Variants in CYTH4 observed in about 807,000 individuals in gnomAD.
CYTH4 encodes the protein cytohesin-4.
Under a neutral mutation model 57.5 loss-of-function variants are expected in CYTH4, and 22 were observed. The ratio of observed to expected loss-of-function variants is 0.38; its 90% confidence interval spans 0.27 to 0.55. The LOEUF (loss-of-function observed/expected upper bound fraction) is 0.55. Among genes scored for constraint, CYTH4 ranks in the 20% least tolerant of loss-of-function variants. CYTH4 has a pLI of 0.74. For missense variants in CYTH4, 420 were observed against 535.6 expected (o/e 0.78, Z 2.13); for synonymous variants, 186 against 206.5 (o/e 0.90, Z 0.85).
chr22:37,283,951 G>T (rs1220440471), intron 1 of CYTH4, among the ~76,000 whole-genome samples: 1 of 152,018 alleles, frequency 6.6e-6, no homozygotes, highest in African/African-American at 2.4e-5. Context: ...TGTCCTTTCG[G>T]GTCCTAACAT....
chr22:37,287,571 G>T (rs566607041), intron 1 of CYTH4, among the ~76,000 whole-genome samples: 2 of 151,444 alleles, frequency 1.3e-5, no homozygotes, highest in Non-Finnish European at 2.9e-5. Context: ...AGCTCCTGCC[G>T]GAAGAGTTCC....
At chr22:37,287,131 C>T (rs900391206) in intron 1 of CYTH4, among the ~76,000 whole-genome samples, 3 of 151,996 alleles carry the variant, frequency 2.0e-5, no homozygotes, top group African/African-American at 2.4e-5. Flanking sequence ...ATGACAAGAG[C>T]GGTGGTGACC....
In CYTH4 at chr22:37,303,375, T is replaced by G; in HGVS notation, c.669T>G (p.Gly223=). The G allele has an allele frequency of 6.2e-7, 1 of 1,613,952 alleles. No homozygotes were observed. The highest frequency in any genetic ancestry group is 8.5e-7 in the Non-Finnish European group (1 of 1,179,952). Residue 223 remains glycine (G), a synonymous_variant, in exon 8 of 13, where the codon GGT becomes GGG. Coordinates refer to ENST00000248901, the MANE Select transcript of CYTH4 (RefSeq NM_013385.5). ...FVSMNRGINN[G]SDLPEDQLRN... ...CCATGAACCGCGGCATCAACAATGG[T>G]AGCGACCTGCCCGAGGACCAGCTGC...
chr22:37,309,492 G>A (rs550914778), intron 9 of CYTH4, among the ~76,000 whole-genome samples, 169 bp downstream of exon 9: 8 of 152,152 alleles, frequency 5.3e-5, no homozygotes, highest in African/African-American at 1.9e-4. Context: ...CAGTGCAGCC[G>A]TCTGCCTGCC....
chr22:37,283,442 G>A (rs1023433146), intron 1 of CYTH4, among the ~76,000 whole-genome samples: 4 of 152,134 alleles, frequency 2.6e-5, no homozygotes, highest in Non-Finnish European at 5.9e-5. Context: ...AGAACCTAAG[G>A]GCTCGTGGGA....
intron 1 of CYTH4, among the ~76,000 whole-genome samples, chr22:37,288,758 C>T (rs1421946903): frequency 6.6e-6 from 1 of 152,206 alleles, no homozygotes; most frequent in Non-Finnish European, 1.5e-5. Flanking sequence ...GCGCCCCATC[C>T]AAGTGGATAT....
chr22:37,312,113 G>T lies in CYTH4; in HGVS notation c.1051G>T (p.Glu351Ter), dbSNP rs749693397. The change falls in exon 12 of 13, where the codon GAA becomes TAA. Residue 351 changes from glutamate (E) to a stop codon, truncating the protein, a stop_gained. Transcript: ENST00000248901. LOFTEE classifies it high-confidence loss of function. ...CGGCAGGGTGGTGGAGGGCAAGCAC[G>T]AATCGTACCGCATCTCAGCCACCAG... ...GDGRVVEGKHESYRISATSAE... is the reference protein window; with the variant it reads ...GDGRVVEGKH The T allele has an allele frequency of 6.2e-7, 1 of 1,614,236 alleles. No homozygotes were observed. Among genetic ancestry groups the T allele is most frequent in the East Asian group, 2.2e-5 (1 of 44,886 alleles).
chr22:37,311,545 A>C lies in CYTH4; in HGVS notation c.957+18A>C. ...AGAAGCCAGTAGGTGTTCAGGTTGC[A>C]GGATCCCGAGGCTGGAGCCACTGGG... is the stretch of plus-strand genomic sequence containing the variant. On this transcript the variant is annotated intron_variant, in intron 11 of 12. Coordinates refer to ENST00000248901, the MANE Select transcript of CYTH4 (RefSeq NM_013385.5). This position sits in a 1 kb window ranked among gnomAD's most constrained non-coding sequence, Gnocchi z 4.4. 1.2e-6 allele frequency: 2 copies of C among 1,612,668 alleles called. No homozygotes were observed. Among genetic ancestry groups the C allele is most frequent in the Non-Finnish European group, 1.7e-6 (2 of 1,179,050 alleles).
chr22:37,311,817 C>T lies in CYTH4; in HGVS notation c.958-203C>T, dbSNP rs1929653559. ...AGAACCTCAGTGAGCCCACATGTCA[C>T]GTGGGGACTTTAGGGAGGATGGTGG... On this transcript the variant is annotated intron_variant, in intron 11 of 12. Coordinates refer to ENST00000248901, the MANE Select transcript of CYTH4 (RefSeq NM_013385.5). The surrounding 1 kb of genome is among the most constrained non-coding windows in gnomAD (Gnocchi z 4.4). The T allele has an allele frequency of 6.9e-6, 5 of 719,584 alleles. No homozygotes were observed. Among genetic ancestry groups the T allele is most frequent in the South Asian group, 5.7e-5 (3 of 52,418 alleles). 44.6% of individuals were successfully genotyped at this position (719,584 alleles called of 1,614,324 possible).
intron 9 of CYTH4, 88 bp downstream of exon 9, chr22:37,309,411 GC>G: frequency 3.4e-6 from 4 of 1,177,158 alleles, no homozygotes; most frequent in Non-Finnish European, 3.7e-6. Flanking sequence ...GGACGCACAG[GC>G]CCCCAGCTGA....
In CYTH4 at chr22:37,284,887, G is replaced by A. The variant is rs551219943; in HGVS notation, c.19+2299G>A. Among the ~76,000 whole-genome samples, 20 of 152,262 alleles carry A rather than the reference G, an allele frequency of 1.3e-4. No individual in the cohort carries two copies. The East Asian group carries it at 3.9e-3, about 29-fold the overall frequency. On this transcript the variant is annotated intron_variant, in intron 1 of 12. Coordinates refer to ENST00000248901, the MANE Select transcript of CYTH4 (RefSeq NM_013385.5). Reference sequence around the variant, plus strand: ...CCCAGTGTGGCCAAAGACAAGCACTGTGCTGGTGCAGAGAAGACAGGCAGC... The same window carrying A: ...CCCAGTGTGGCCAAAGACAAGCACTATGCTGGTGCAGAGAAGACAGGCAGC...
At chr22:37,289,319 C>A (rs1460082550) in intron 1 of CYTH4, among the ~76,000 whole-genome samples, 1 of 152,240 alleles carries the variant, frequency 6.6e-6, no homozygotes, top group African/African-American at 2.4e-5. Flanking sequence ...CAAGAAGTCA[C>A]TTCTCTTTCC....
At chr22:37,299,877 G>C (rs971681416) in intron 6 of CYTH4, among the ~76,000 whole-genome samples, 1 of 152,156 alleles carries the variant, frequency 6.6e-6, no homozygotes, top group African/African-American at 2.4e-5. Flanking sequence ...TGTAATCCCA[G>C]CTACTCGGGA....
chr22:37,309,914 G>C, intron 9 of CYTH4: 1 of 431,584 alleles, frequency 2.3e-6, no homozygotes, highest in Non-Finnish European at 4.8e-6. Context: ...CAGTAATAGT[G>C]GCTGTAGAGT....
intron 2 of CYTH4, 119 bp from the exon 3 acceptor site, chr22:37,294,541 G>A (rs1928879942): frequency 9.2e-7 from 1 of 1,089,656 alleles, no homozygotes; most frequent in South Asian, 1.4e-5. Flanking sequence ...CAGAGGTCAG[G>A]GAGAGGGGCC....
rs1343055365 is a variant in CYTH4, at chr22:37,282,563, C to T, written c.-7C>T. ...GCACGGGTCATCTTTTCCCCAGAGGCGTCGGAATGGACCTGTGCCACCCAG... is the reference window on the plus strand; with the variant it reads ...GCACGGGTCATCTTTTCCCCAGAGGTGTCGGAATGGACCTGTGCCACCCAG... On this transcript the variant is annotated 5_prime_UTR_variant, in exon 1 of 13. Coordinates refer to ENST00000248901, the MANE Select transcript of CYTH4 (RefSeq NM_013385.5). 3 of 1,613,784 alleles carry T rather than the reference C, an allele frequency of 1.9e-6. No individual in the cohort carries two copies. Among genetic ancestry groups the T allele is most frequent in the East Asian group, 2.2e-5 (1 of 44,870 alleles).
At position 37,311,387 on chromosome 22, in the gene CYTH4, G is replaced by A. The variant is rs570732235; in HGVS notation, c.886-69G>A. 96 of 1,402,268 alleles carry A rather than the reference G, an allele frequency of 6.8e-5. No homozygotes were observed. The highest frequency in any genetic ancestry group is 9.2e-5 in the Non-Finnish European group (91 of 988,828). 86.9% of individuals were successfully genotyped at this position (1,402,268 alleles called of 1,614,324 possible). A position where few individuals can be genotyped will look rare whatever the true frequency, so the allele number is the denominator to read the frequency against. ...TCTTTGAGTTTGGGGAACCCCACAC[G>A]TTCACACCCTGCCTTGGGCCTCAGG... On this transcript the variant is annotated intron_variant, in intron 10 of 12. Transcript: ENST00000248901. The surrounding 1 kb of genome is among the most constrained non-coding windows in gnomAD (Gnocchi z 4.4).
chr22:37,311,670 C>A lies in CYTH4; in HGVS notation c.957+143C>A. 1.2e-6 allele frequency: 1 copy of A among 823,142 alleles called. No homozygotes were observed. Among genetic ancestry groups the A allele is most frequent in the Non-Finnish European group, 2.0e-6 (1 of 509,164 alleles). The allele number at this position is 823,142 out of a possible 1,614,324, so 51.0% of individuals were successfully genotyped here. A position where few individuals can be genotyped will look rare whatever the true frequency, so the allele number is the denominator to read the frequency against. ...CTTCCCTGTGGCTCAGGGCTGCCTT[C>A]TCTCCCTCCTGGGGCCATGGACAGT... On this transcript the variant is annotated intron_variant, in intron 11 of 12. Transcript: ENST00000248901. This position sits in a 1 kb window ranked among gnomAD's most constrained non-coding sequence, Gnocchi z 4.4.
At chr22:37,300,032 T>C (rs1156720794) in intron 6 of CYTH4, 1 of 716,880 alleles carries the variant, frequency 1.4e-6, no homozygotes, top group East Asian at 2.7e-5. Flanking sequence ...AGTTTCCTCA[T>C]CCGTAGAATG....
Sources: gnomAD v4.1 joint callset for allele counts (sites outside exome capture counted in the v4.1 genomes callset) on GRCh38, gnomAD v4.1.1 for gene constraint, Gnocchi (gnomAD v3.1) non-coding constraint, MANE v1.5 for transcripts, NCBI Gene and HGNC (gene_info 2026-07-23, HGNC 2026-07-21) for gene names.